The following ZNF124 variants were observed in gnomAD, a reference collection of about 807,000 sequenced individuals.
ZNF124 encodes the protein zinc finger protein 124.
ZNF124 carries 25 observed loss-of-function variants against 26.6 expected under a neutral mutation model. The observed-to-expected ratio is 0.94, with a 90% confidence interval of 0.68 to 1.31. ZNF124 has a LOEUF of 1.31. Ranked by LOEUF, ZNF124 falls within the 40% of genes most tolerant of loss-of-function variation. The pLI, the probability that ZNF124 is intolerant of heterozygous loss-of-function variation, is 0.00. For missense variants in ZNF124, 444 were observed against 422.2 expected (o/e 1.05, Z -0.45); for synonymous variants, 129 against 133.3 (o/e 0.97, Z 0.22).
intron 3 of ZNF124, among the ~76,000 whole-genome samples, chr1:247,125,678 G>T (rs960657998): frequency 2.7e-5 from 2 of 74,632 alleles, no homozygotes; most frequent in African/African-American, 1.2e-4. Flanking sequence ...GATCGGCGCC[G>T]GCGCCGATTA....
At chr1:247,124,282 C>T (rs1383725669) in intron 3 of ZNF124, among the ~76,000 whole-genome samples, 1 of 151,866 alleles carries the variant, frequency 6.6e-6, no homozygotes, top group East Asian at 1.9e-4. Flanking sequence ...TGGCTCACTG[C>T]AACCTCCACC....
chr1:247,143,059 T>A (rs1420907573), intron 3 of ZNF124, among the ~76,000 whole-genome samples: 1 of 151,970 alleles, frequency 6.6e-6, no homozygotes, highest in Non-Finnish European at 1.5e-5. Flanking sequence ...AATCTGCATG[T>A]GAGAGAGAGA....
chr1:247,169,138 A>G (rs1188887523), intron 1 of ZNF124, among the ~76,000 whole-genome samples: 2 of 152,134 alleles, frequency 1.3e-5, no homozygotes, highest in African/African-American at 4.8e-5. Flanking sequence ...AATACATTTT[A>G]TGTTTACCTA....
At position 247,167,289 on chromosome 1, in the gene ZNF124, T is replaced by C. The variant is rs1030818843; in HGVS notation, c.30+4559A>G. ...ACAGTATTGGAAATCCTGGCCACAG[T>C]GATCGGGCAAGGTTGCTGTACAGAT... On this transcript the variant is annotated intron_variant, in intron 1 of 3. Coordinates refer to ENST00000543802, the MANE Select transcript of ZNF124 (RefSeq NM_001297568.2). Among the ~76,000 whole-genome samples, 4 of 152,180 alleles carry C rather than the reference T, an allele frequency of 2.6e-5. No individual in the cohort carries two copies. In the East Asian group the frequency reaches 7.7e-4, roughly 29 times the overall value.
intron 3 of ZNF124, among the ~76,000 whole-genome samples, chr1:247,127,806 G>C (rs1485528109): frequency 6.7e-6 from 1 of 148,206 alleles, no homozygotes; most frequent in African/African-American, 2.4e-5. Flanking sequence ...TGGGGAGCTC[G>C]GTTTTTTGGA....
intron 3 of ZNF124, among the ~76,000 whole-genome samples, chr1:247,132,992 G>T (rs983968940): frequency 6.6e-6 from 1 of 152,130 alleles, no homozygotes; most frequent in African/African-American, 2.4e-5. Flanking sequence ...GAGGAGTTTT[G>T]TCTGTGGCTC....
intron 3 of ZNF124, among the ~76,000 whole-genome samples, chr1:247,146,832 A>C (rs1672792584): frequency 6.6e-6 from 1 of 152,194 alleles, no homozygotes; most frequent in Non-Finnish European, 1.5e-5. Flanking sequence ...AAGAGACAGG[A>C]GTCCCAAGCC....
chr1:247,159,609 C>T, intron 2 of ZNF124, 78 bp downstream of exon 2: 6 of 1,513,048 alleles, frequency 4.0e-6, no homozygotes, highest in Non-Finnish European at 5.4e-6. Flanking sequence ...TTGTACATTC[C>T]AAATCATGGA....
chr1:247,140,830 C>T (rs962905372), intron 3 of ZNF124, among the ~76,000 whole-genome samples: 2 of 152,024 alleles, frequency 1.3e-5, no homozygotes, highest in African/African-American at 4.8e-5. Context: ...TCATGTGGCT[C>T]CCCTATATTT....
chr1:247,135,198 A>G (rs1200476076), intron 3 of ZNF124, among the ~76,000 whole-genome samples: 1 of 151,080 alleles, frequency 6.6e-6, no homozygotes. Context: ...AAGAACTAAG[A>G]TAAGAACTGA....
chr1:247,133,779 A>C (rs1296416529), intron 3 of ZNF124, among the ~76,000 whole-genome samples: 3 of 148,624 alleles, frequency 2.0e-5, no homozygotes, highest in Non-Finnish European at 4.4e-5. Flanking sequence ...TCAGCCTCCC[A>C]AGTAGCGGGG....
chr1:247,146,614 T>C (rs1301351844), intron 3 of ZNF124, among the ~76,000 whole-genome samples: 1 of 152,228 alleles, frequency 6.6e-6, no homozygotes, highest in African/African-American at 2.4e-5. Context: ...GATCAAGTTT[T>C]TCTTGACTGC....
At chr1:247,159,125 G>A in intron 2 of ZNF124, 59 bp from the exon 3 acceptor site, 1 of 1,497,328 alleles carries the variant, frequency 6.7e-7, no homozygotes, top group Non-Finnish European at 9.1e-7. Context: ...AAAATTACTA[G>A]ACTCTAGGTG....
At chr1:247,151,396 G>A (rs1311855557), downstream of ZNF124, among the ~76,000 whole-genome samples, 1 of 151,388 alleles carries the variant, frequency 6.6e-6, no homozygotes. Flanking sequence ...GGAGAATGGC[G>A]TGAACTCGGG....
chr1:247,134,104 G>T lies in ZNF124; in HGVS notation c.219-10233C>A, dbSNP rs189110589. ...CGTGCTGCAAGAGCTCCTGAAAGAA[G>T]CACTAAATACGGAAAGAAAAAACTG... On this transcript the variant is annotated intron_variant, in intron 3 of 3. Coordinates refer to the ZNF124 transcript ENST00000472531. 4.7e-4 allele frequency among the ~76,000 whole-genome samples: 71 copies of T among 152,184 alleles called. No homozygotes were observed. The East Asian group carries it at 8.3e-3, about 18-fold the overall frequency.
intron 3 of ZNF124, 45 bp from the exon 4 acceptor site, chr1:247,157,448 G>A: frequency 6.6e-7 from 1 of 1,522,296 alleles, no homozygotes; most frequent in Non-Finnish European, 8.9e-7. Context: ...CACACACAAT[G>A]CATTCATGTG....
chr1:247,159,699 G>A lies in ZNF124; in HGVS notation c.145C>T (p.Leu49=), dbSNP rs1334709352. The A allele has an allele frequency of 6.2e-7, 1 of 1,611,268 alleles. No homozygotes were observed. Among genetic ancestry groups the A allele is most frequent in the African/African-American group, 1.3e-5 (1 of 74,732 alleles). ...TTGTGATTCTTACCTATGGAAGCCA[G>A]ATTCCTGAAGGTTTCCTGCATCACG... The part of the protein sequence containing the change: ...RDVMQETFRN[L]ASIGNKGEDQ... Residue 49 remains leucine, a synonymous_variant, in exon 2 of 4, where the codon CTG becomes TTG. Transcript: ENST00000543802.
At chr1:247,150,757 CA>C (rs1202813535), downstream of ZNF124, among the ~76,000 whole-genome samples, 3 of 151,070 alleles carry the variant, frequency 2.0e-5, no homozygotes, top group Admixed American at 1.3e-4. Context: ...TTCCTAGCCA[CA>C]AAAACACTCA....
chr1:247,150,575 T>G (rs1372886103), downstream of ZNF124, among the ~76,000 whole-genome samples: 1 of 151,916 alleles, frequency 6.6e-6, no homozygotes, highest in Non-Finnish European at 1.5e-5. Flanking sequence ...TACATCCTGA[T>G]TAAAAAAACA....
Sources: allele counts gnomAD v4.1 joint callset (sites outside exome capture counted in the v4.1 genomes callset), GRCh38; gene constraint gnomAD v4.1.1; transcripts MANE v1.5; gene names NCBI Gene and HGNC (gene_info 2026-07-23, HGNC 2026-07-21).